The following MMD variants were observed in gnomAD, a reference collection of about 807,000 sequenced individuals.
The protein encoded by MMD is monocyte to macrophage differentiation factor.
In MMD, 22 loss-of-function variants were observed where a neutral mutation model predicts 33.6. The observed-to-expected ratio is 0.66, with a 90% CI of 0.47 to 0.94. The LOEUF is 0.94. Among genes scored for constraint, MMD ranks in the 40% least tolerant of loss-of-function variants. MMD has a pLI of 0.00. For synonymous variants in MMD, 97 were observed against 103.2 expected, an observed-to-expected ratio of 0.94 and a Z score of 0.36; for missense variants, 242 against 309.8, an observed-to-expected ratio of 0.78 and a Z score of 1.64.
intron 2 of MMD, among the ~76,000 whole-genome samples, chr17:55,413,412 A>T (rs889339990): frequency 6.6e-6 from 1 of 152,194 alleles, no homozygotes. Context: ...CATTAACAGG[A>T]AAACTGAAAA....
chr17:55,397,859 G>A (rs886791685), intron 6 of MMD, among the ~76,000 whole-genome samples: 5 of 152,064 alleles, frequency 3.3e-5, no homozygotes, highest in African/African-American at 1.2e-4. Context: ...CATTTTAAAT[G>A]TGCCATTACA....
intron 6 of MMD, among the ~76,000 whole-genome samples, chr17:55,398,456 G>C (rs1907206590): frequency 6.6e-6 from 1 of 151,576 alleles, no homozygotes; most frequent in Non-Finnish European, 1.5e-5. Flanking sequence ...CCCGTCTTTT[G>C]ATCTGTGTCT....
Position 55,411,253 on chromosome 17 carries a change from G to C in MMD, c.269+4C>G, listed in dbSNP as rs1170644365. 1.9e-6 allele frequency: 3 copies of C among 1,611,492 alleles called. No individual in the cohort carries two copies. Among genetic ancestry groups the C allele is most frequent in the Admixed American group, 1.7e-5 (1 of 59,586 alleles). ...CTGTTGAAACAGCATGTCATCCACT[G>C]TACCTTAAGTGGCTCTTTTTCCATG... On this transcript the variant is annotated splice_donor_region_variant and intron_variant, in intron 3 of 6. Coordinates refer to ENST00000262065, the MANE Select transcript of MMD (RefSeq NM_012329.3).
intron 6 of MMD, among the ~76,000 whole-genome samples, chr17:55,398,115 A>C (rs1323786686): frequency 1.9e-5 from 1 of 52,002 alleles, no homozygotes. Context: ...TTTCTTCAAA[A>C]AAAAAAAAAA....
intron 4 of MMD, among the ~76,000 whole-genome samples, chr17:55,405,284 C>T (rs887938811): frequency 2.0e-5 from 3 of 151,572 alleles, no homozygotes; most frequent in Non-Finnish European, 4.4e-5. Context: ...GCAGGAGAAT[C>T]TCTTGAACCC....
chr17:55,418,798 G>A (rs1414400385), intron 1 of MMD, among the ~76,000 whole-genome samples: 1 of 152,244 alleles, frequency 6.6e-6, no homozygotes, highest in African/African-American at 2.4e-5. Flanking sequence ...TAATACTGTA[G>A]ATTAAAATGC....
chr17:55,405,750 C>T (rs997969360), intron 4 of MMD, among the ~76,000 whole-genome samples: 8 of 152,186 alleles, frequency 5.3e-5, no homozygotes, highest in Non-Finnish European at 8.8e-5. Flanking sequence ...ATAGCACTTA[C>T]TTTTTACTCC....
chr17:55,412,740 T>G (rs1240818419), intron 2 of MMD, among the ~76,000 whole-genome samples: 1 of 152,164 alleles, frequency 6.6e-6, no homozygotes, highest in Non-Finnish European at 1.5e-5. Flanking sequence ...TTGCATCTCC[T>G]CCGGGAAGCA....
chr17:55,419,341 C>G (rs1392233980), intron 1 of MMD, among the ~76,000 whole-genome samples: 1 of 152,168 alleles, frequency 6.6e-6, no homozygotes, highest in African/African-American at 2.4e-5. Context: ...TGGGGATACT[C>G]AAGTGTGAAA....
intron 6 of MMD, 125 bp from the exon 7 acceptor site, chr17:55,394,659 C>G: frequency 5.0e-6 from 4 of 804,586 alleles, no homozygotes; most frequent in Non-Finnish European, 6.9e-6. Flanking sequence ...TGAACACAAT[C>G]CTGATCTGTA....
At chr17:55,402,718 A>G (rs1025299230) in intron 5 of MMD, among the ~76,000 whole-genome samples, 4 of 152,206 alleles carry the variant, frequency 2.6e-5, no homozygotes, top group Admixed American at 6.5e-5. Context: ...TTGACTTCCT[A>G]TTTTATCCAA....
intron 6 of MMD, among the ~76,000 whole-genome samples, chr17:55,396,015 A>G (rs1307153033): frequency 6.6e-6 from 1 of 152,186 alleles, no homozygotes; most frequent in African/African-American, 2.4e-5. Context: ...ACAAAATCAC[A>G]TGGCCAGTCA....
intron 6 of MMD, among the ~76,000 whole-genome samples, chr17:55,396,670 G>A (rs974611073): frequency 1.3e-5 from 2 of 151,782 alleles, no homozygotes; most frequent in Non-Finnish European, 2.9e-5. Flanking sequence ...AGGCTGGAGT[G>A]CAGTGCATGA....
At position 55,393,740 on chromosome 17, in the gene MMD, T is replaced by C. The variant is rs960471170; in HGVS notation, c.*594A>G. The C allele has an allele frequency of 2.0e-5, 3 of 152,630 alleles. No homozygotes were observed. The highest frequency in any genetic ancestry group is 4.8e-5 in the African/African-American group (2 of 41,444). 9.5% of individuals were successfully genotyped at this position (152,630 alleles called of 1,614,324 possible). On this transcript the variant is annotated 3_prime_UTR_variant, in exon 7 of 7. Transcript: ENST00000262065. ...AAAACTATCAGAAGAGGTATAATGT[T>C]TGTTCGTTTGTGGAATGTTGACTGC...
At chr17:55,420,462 C>A (rs1313427364) in intron 1 of MMD, 1 of 152,244 alleles carries the variant, frequency 6.6e-6, no homozygotes, top group Non-Finnish European at 1.5e-5. Flanking sequence ...AGTCTTCAAG[C>A]TGATCCCCTT....
In MMD at chr17:55,409,955, C is replaced by T. The variant is rs1907700992; in HGVS notation, c.269+1302G>A. ...TTGTGGTTCTCTTGTGAGTGTGTCC[C>T]AAAGTGCCCTTGTGATTCAATGCTG... On this transcript the variant is annotated intron_variant, in intron 3 of 6. Coordinates refer to ENST00000262065, the MANE Select transcript of MMD (RefSeq NM_012329.3). Among the ~76,000 whole-genome samples the T allele has an allele frequency of 2.0e-5, 3 of 152,272 alleles. No individual in the cohort carries two copies. The South Asian group carries it at 6.2e-4, about 32-fold the overall frequency.
chr17:55,402,254 T>C (rs533978115), intron 5 of MMD, among the ~76,000 whole-genome samples: 1 of 152,158 alleles, frequency 6.6e-6, no homozygotes, highest in Non-Finnish European at 1.5e-5. Context: ...TGAAGATGAA[T>C]GGAGATGCAG....
intron 6 of MMD, among the ~76,000 whole-genome samples, chr17:55,400,760 A>T (rs1221199495): frequency 6.6e-6 from 1 of 152,132 alleles, no homozygotes; most frequent in African/African-American, 2.4e-5. Context: ...TGAAGTCGTA[A>T]TAATATATTT....
intron 1 of MMD, among the ~76,000 whole-genome samples, chr17:55,417,369 C>T (rs912668504): frequency 3.3e-5 from 5 of 152,072 alleles, no homozygotes; most frequent in Admixed American, 2.0e-4. Context: ...ATCCCAGCTC[C>T]GCGTCTCCTA....
Sources: gnomAD v4.1 joint callset for allele counts (sites outside exome capture counted in the v4.1 genomes callset) on GRCh38, gnomAD v4.1.1 for gene constraint, MANE v1.5 for transcripts, NCBI Gene and HGNC (gene_info 2026-07-23, HGNC 2026-07-21) for gene names.